METAP1D: variants seen among roughly 807,000 people sequenced by gnomAD.
METAP1D encodes the protein methionine aminopeptidase 1D, mitochondrial.
METAP1D carries 31 observed loss-of-function variants against 40.5 expected under a neutral mutation model. The ratio of observed to expected loss-of-function variants is 0.77; its 90% CI spans 0.58 to 1.03. METAP1D has a LOEUF of 1.03. METAP1D is among the 50% of genes least tolerant of loss of function. The probability of loss-of-function intolerance (pLI) is 0.00; values close to 1 mark genes in which losing one functional copy is unlikely to be tolerated. For synonymous variants in METAP1D, 151 were observed against 146.4 expected (o/e 1.03, Z -0.22); for missense variants, 411 against 420.7 (o/e 0.98, Z 0.20).
intron 1 of METAP1D, among the ~76,000 whole-genome samples, chr2:172,020,413 CA>C (rs1048935332): frequency 6.6e-6 from 1 of 151,978 alleles, no homozygotes; most frequent in Admixed American, 6.5e-5. Flanking sequence ...AAAACAACAA[CA>C]AAAAAAGCAG....
At chr2:172,011,166 G>A (rs1198942277) in intron 1 of METAP1D, among the ~76,000 whole-genome samples, 3 of 152,012 alleles carry the variant, frequency 2.0e-5, no homozygotes, top group Non-Finnish European at 4.4e-5. Flanking sequence ...AGTTGTGCAA[G>A]CATCACCACA....
rs1689616605 is a variant in METAP1D, at chr2:172,042,760, CGTGTGTGTGTATATGTACACATATACGT to C, written c.41-18701_41-18674del. 3.7e-4 allele frequency among the ~76,000 whole-genome samples: 4 copies of C among 10,752 alleles called. 1 individual carries two copies. Among genetic ancestry groups the C allele is most frequent in the African/African-American group, 1.3e-3 (4 of 3,066 alleles). The allele number at this position is 10,752 out of a possible 152,430, so 7.1% of individuals were successfully genotyped here. On this transcript the variant is annotated intron_variant, in intron 1 of 9. Transcript: ENST00000315796. Reference sequence around the variant, plus strand: ...GTGTGTGTGTATATGTACACATATACGTGTGTGTGTATATGTACACATATACGTGTGTGTGTGTATATGTACACATATA... The same window carrying C: ...GTGTGTGTGTATATGTACACATATACGTGTGTGTGTATATGTACACATATA...
At chr2:172,035,400 G>A (rs1574108478) in intron 1 of METAP1D, among the ~76,000 whole-genome samples, 1 of 152,050 alleles carries the variant, frequency 6.6e-6, no homozygotes, top group South Asian at 2.1e-4. Context: ...TCCTGACCTC[G>A]TGATCCTACC....
chr2:172,080,084 A>G (rs1344343747), intron 8 of METAP1D, 44 bp from the exon 9 acceptor site: 1 of 1,519,748 alleles, frequency 6.6e-7, no homozygotes, highest in South Asian at 1.2e-5. Context: ...ATGTTTAACA[A>G]GAATCTGATG....
intron 1 of METAP1D, among the ~76,000 whole-genome samples, chr2:172,055,268 T>C (rs1252293720): frequency 1.8e-5 from 2 of 112,234 alleles, no homozygotes; most frequent in Admixed American, 8.2e-5. Flanking sequence ...GCATCAAATT[T>C]GTTGTAACAT....
intron 1 of METAP1D, among the ~76,000 whole-genome samples, chr2:172,052,162 T>C (rs1689898622): frequency 6.6e-6 from 1 of 152,234 alleles, no homozygotes; most frequent in Non-Finnish European, 1.5e-5. Context: ...CAACTGGGCC[T>C]GCATCCTCTT....
At chr2:172,006,239 A>G (rs1442900779) in intron 1 of METAP1D, among the ~76,000 whole-genome samples, 1 of 150,548 alleles carries the variant, frequency 6.6e-6, no homozygotes, top group African/African-American at 2.5e-5. Context: ...GCTGGAGTGC[A>G]GTGGCGGGAT....
intron 1 of METAP1D, among the ~76,000 whole-genome samples, chr2:172,001,204 G>T (rs1249305985): frequency 6.6e-6 from 1 of 152,032 alleles, no homozygotes; most frequent in Non-Finnish European, 1.5e-5. Context: ...AGAAGTCAGT[G>T]TGTAAAGTTC....
intron 5 of METAP1D, 35 bp from the exon 6 acceptor site, chr2:172,070,872 C>G: frequency 6.5e-7 from 1 of 1,533,788 alleles, no homozygotes; most frequent in Non-Finnish European, 8.8e-7. Flanking sequence ...GATTTTTAAA[C>G]AAGGACATAT....
chr2:172,031,781 T>G (rs1689246386), intron 1 of METAP1D, among the ~76,000 whole-genome samples: 1 of 152,222 alleles, frequency 6.6e-6, no homozygotes, highest in African/African-American at 2.4e-5. Context: ...AGTAACCCAG[T>G]GACTTAAAGA....
At chr2:172,037,380 C>T (rs781045276) in intron 1 of METAP1D, among the ~76,000 whole-genome samples, 1 of 151,774 alleles carries the variant, frequency 6.6e-6, no homozygotes, top group Non-Finnish European at 1.5e-5. Flanking sequence ...ATTACGTCTT[C>T]CTACCTAACA....
chr2:172,075,813 G>A (rs1182486797), intron 6 of METAP1D, among the ~76,000 whole-genome samples: 1 of 152,192 alleles, frequency 6.6e-6, no homozygotes, highest in African/African-American at 2.4e-5. Flanking sequence ...CAGGCATTAA[G>A]ATGTGCTCAA....
chr2:172,027,147 A>T (rs1689136158), intron 1 of METAP1D, among the ~76,000 whole-genome samples: 1 of 152,216 alleles, frequency 6.6e-6, no homozygotes, highest in South Asian at 2.1e-4. Flanking sequence ...ACTAGGGTAG[A>T]TGATAAATAC....
rs1015585845 is a variant in METAP1D at position 172,065,738 on chromosome 2, T to G, written c.483T>G (p.His161Gln). The G allele has an allele frequency of 1.9e-6, 3 of 1,613,784 alleles. No homozygotes were observed. Among genetic ancestry groups the G allele is most frequent in the Non-Finnish European group, 2.5e-6 (3 of 1,179,830 alleles). ...CCTCTGTAAACAACGTGCTCTGTCA[T>G]GGTATTCCTGACAGGTATTCAGTTC... ...VCTSVNNVLCHGIPDSRPLQD... is the reference protein window; with the variant it reads ...VCTSVNNVLCQGIPDSRPLQD... Residue 161 changes from histidine to glutamine, a missense_variant, in exon 4 of 10, where the codon CAT becomes CAG. Coordinates refer to ENST00000315796, the MANE Select transcript of METAP1D (RefSeq NM_199227.3).
intron 1 of METAP1D, among the ~76,000 whole-genome samples, chr2:172,028,143 AG>A (rs1466308959): frequency 2.7e-5 from 4 of 150,808 alleles, no homozygotes; most frequent in African/African-American, 9.7e-5. Context: ...CAAAGCTAAG[AG>A]GGTGCCAGTA....
intron 6 of METAP1D, among the ~76,000 whole-genome samples, chr2:172,074,805 A>G (rs1239231170): frequency 6.6e-6 from 1 of 152,198 alleles, no homozygotes; most frequent in Non-Finnish European, 1.5e-5. Flanking sequence ...ATTTGAGATC[A>G]TTTATTAGAG....
intron 1 of METAP1D, among the ~76,000 whole-genome samples, chr2:172,054,296 C>T (rs1166854495): frequency 6.6e-6 from 1 of 151,904 alleles, no homozygotes; most frequent in African/African-American, 2.4e-5. Flanking sequence ...CCGAGGTGGG[C>T]GGATCACGAG....
At chr2:172,000,165 A>C (rs749100200) in intron 1 of METAP1D, among the ~76,000 whole-genome samples, 156 bp downstream of exon 1, 1 of 152,240 alleles carries the variant, frequency 6.6e-6, no homozygotes, top group Non-Finnish European at 1.5e-5. Context: ...ACGATGACAC[A>C]TTCACACACC....
chr2:172,077,216 G>A (rs555739096), intron 6 of METAP1D, among the ~76,000 whole-genome samples: 6 of 152,170 alleles, frequency 3.9e-5, no homozygotes, highest in African/African-American at 1.2e-4. Context: ...ATGATCTCAC[G>A]GTTTTGGAGT....
Sources: allele counts gnomAD v4.1 joint callset (sites outside exome capture counted in the v4.1 genomes callset), GRCh38; gene constraint gnomAD v4.1.1; transcripts MANE v1.5; gene names NCBI Gene and HGNC (gene_info 2026-07-23, HGNC 2026-07-21).